The following DOCK2 variants were observed in gnomAD, a reference collection of about 807,000 sequenced individuals.
DOCK2 encodes dedicator of cytokinesis protein 2.
Under a neutral mutation model 248.9 loss-of-function variants are expected in DOCK2, and 87 were observed. The observed-to-expected ratio is 0.35, with a 90% CI of 0.29 to 0.42. The LOEUF is 0.42. DOCK2 is among the 10% of genes least tolerant of loss of function. DOCK2 has a pLI of 1.00. For missense variants in DOCK2, 1,747 were observed against 2,300.2 expected (o/e 0.76, Z 4.92); for synonymous variants, 805 against 821.6 (o/e 0.98, Z 0.35).
At chr5:170,048,425 T>A in intron 40 of DOCK2, among the ~76,000 whole-genome samples, 1 of 152,066 alleles carries the variant, frequency 6.6e-6, no homozygotes, top group Admixed American at 6.6e-5. Flanking sequence ...AAAATAAAAA[T>A]AGCACTAATA....
Position 170,041,046 on chromosome 5 carries a change from C to T in DOCK2, c.3666-9C>T. On this transcript the variant is annotated splice_polypyrimidine_tract_variant and intron_variant, in intron 36 of 51. Transcript: ENST00000520908. ...CCTGGTAGCTTACTGCATATTTTCC[C>T]TCAAACAGGTACCTGTACAAACTCC... is the stretch of plus-strand genomic sequence containing the variant. The T allele has an allele frequency of 1.2e-6, 2 of 1,613,602 alleles. No individual in the cohort carries two copies. The highest frequency in any genetic ancestry group is 1.7e-4 in the Middle Eastern group (1 of 6,060).
intron 27 of DOCK2, among the ~76,000 whole-genome samples, chr5:169,931,705 G>A (rs906038068): frequency 6.6e-6 from 1 of 152,198 alleles, no homozygotes; most frequent in Non-Finnish European, 1.5e-5. Context: ...GGAAGGTGAA[G>A]TTCCTAGCAC....
intron 49 of DOCK2, chr5:170,079,553 C>T (rs1757954134): frequency 5.3e-6 from 1 of 187,314 alleles, no homozygotes; most frequent in Non-Finnish European, 1.1e-5. Context: ...CCCTGCAAGC[C>T]CCTCCTGTGT....
chr5:170,077,145 A>G (rs1355391699), intron 47 of DOCK2, among the ~76,000 whole-genome samples: 1 of 152,192 alleles, frequency 6.6e-6, no homozygotes, highest in Non-Finnish European at 1.5e-5. Flanking sequence ...GGTCCCAAAC[A>G]TGAAGTTTCC....
rs188645584 is a variant in DOCK2 at position 169,798,953 on chromosome 5, C to T, written c.2555-4105C>T. On this transcript the variant is annotated intron_variant, in intron 25 of 51. Coordinates refer to ENST00000520908, the MANE Select transcript of DOCK2 (RefSeq NM_004946.3). ...AGCCTTAAAACATTGTCATCTTGTA[C>T]TTTAAGCTCAAGGCAATTGACCACG... Among the ~76,000 whole-genome samples, 7 of 152,340 alleles carry T rather than the reference C, an allele frequency of 4.6e-5. No homozygotes were observed. In the East Asian group the frequency reaches 1.3e-3, roughly 29 times the overall value.
chr5:169,689,989 A>G (rs991352858), intron 9 of DOCK2, among the ~76,000 whole-genome samples: 36 of 152,036 alleles, frequency 2.4e-4, no homozygotes, highest in African/African-American at 8.7e-4. Context: ...AGATAAGTAA[A>G]GGTTATAATT....
rs574436323 is a variant in DOCK2 at position 169,919,055 on chromosome 5, G to A, written c.2800-64013G>A. Among the ~76,000 whole-genome samples the A allele has an allele frequency of 5.9e-5, 9 of 152,236 alleles. No individual in the cohort carries two copies. The East Asian group carries it at 1.3e-3, about 23-fold the overall frequency. On this transcript the variant is annotated intron_variant, in intron 27 of 51. Coordinates refer to ENST00000520908, the MANE Select transcript of DOCK2 (RefSeq NM_004946.3). ...TTTGGATTCAATATGGTGGTCAAGG[G>A]TGACTTTAACCATAATATTTCAGCC...
intron 25 of DOCK2, among the ~76,000 whole-genome samples, chr5:169,798,060 G>A (rs1236400765): frequency 6.6e-6 from 1 of 152,176 alleles, no homozygotes; most frequent in African/African-American, 2.4e-5. Flanking sequence ...GGGGATGCTG[G>A]TTTTGAGAAT....
At chr5:169,669,538 G>C (rs1581005380) in intron 3 of DOCK2, among the ~76,000 whole-genome samples, 1 of 151,798 alleles carries the variant, frequency 6.6e-6, no homozygotes, top group Admixed American at 6.6e-5. Flanking sequence ...TTCATCTCTG[G>C]TGCCATCTCC....
intron 27 of DOCK2, chr5:169,934,590 C>T (rs150110735): frequency 1.5e-5 from 7 of 454,996 alleles, no homozygotes; most frequent in African/African-American, 1.2e-4. Flanking sequence ...TCTTTGCTTC[C>T]AGGCTGTCTG....
intron 27 of DOCK2, among the ~76,000 whole-genome samples, chr5:169,859,097 G>A (rs1352111306): frequency 6.6e-6 from 1 of 152,210 alleles, no homozygotes; most frequent in Admixed American, 6.5e-5. Context: ...GGCCAGTTGA[G>A]AAATGAAGTG....
chr5:169,884,138 T>C (rs1247547308), intron 27 of DOCK2: 2 of 367,886 alleles, frequency 5.4e-6, no homozygotes, highest in Non-Finnish European at 9.7e-6. Context: ...TAGTCATAAT[T>C]GCTCCTTGGA....
chr5:170,042,546 A>G (rs181074630), intron 38 of DOCK2, among the ~76,000 whole-genome samples: 22 of 152,118 alleles, frequency 1.4e-4, no homozygotes, highest in Admixed American at 1.2e-3. Flanking sequence ...TGCCTCTCTC[A>G]TTTCATCCCT....
chr5:169,996,214 G>A (rs1307539021), intron 30 of DOCK2, 50 bp downstream of exon 30: 4 of 1,582,152 alleles, frequency 2.5e-6, no homozygotes, highest in Non-Finnish European at 3.5e-6. Context: ...GGGCGTCTCT[G>A]ACATTCTGGG....
chr5:169,852,142 C>T (rs1197639523), intron 27 of DOCK2, among the ~76,000 whole-genome samples: 2 of 151,888 alleles, frequency 1.3e-5, no homozygotes, highest in Non-Finnish European at 2.9e-5. Flanking sequence ...GAAATGCAGT[C>T]ACACAGAAGA....
At chr5:169,995,569 A>G (rs1489794306) in intron 29 of DOCK2, among the ~76,000 whole-genome samples, 1 of 152,274 alleles carries the variant, frequency 6.6e-6, no homozygotes, top group Non-Finnish European at 1.5e-5. Flanking sequence ...TGAAAGAAGT[A>G]CACAATTTAT....
intron 32 of DOCK2, among the ~76,000 whole-genome samples, chr5:170,017,814 G>A (rs1481836245): frequency 1.3e-5 from 2 of 152,180 alleles, no homozygotes; most frequent in African/African-American, 2.4e-5. Context: ...CTTAACCACT[G>A]GGCAACACTG....
chr5:169,692,220 A>AG (rs1342134566), intron 9 of DOCK2, among the ~76,000 whole-genome samples: 17 of 152,200 alleles, frequency 1.1e-4, no homozygotes, highest in African/African-American at 4.1e-4. Context: ...ATATACTACG[A>AG]GGTTCCCTAA....
chr5:169,749,698 C>T (rs1763800723), intron 23 of DOCK2, among the ~76,000 whole-genome samples: 1 of 152,232 alleles, frequency 6.6e-6, no homozygotes, highest in Non-Finnish European at 1.5e-5. Flanking sequence ...CGGCATTAGC[C>T]TGTTCTTTAT....
Sources: allele counts gnomAD v4.1 joint callset (sites outside exome capture counted in the v4.1 genomes callset), GRCh38; gene constraint gnomAD v4.1.1; transcripts MANE v1.5; gene names NCBI Gene and HGNC (gene_info 2026-07-23, HGNC 2026-07-21).